RSRC1: variants seen among roughly 807,000 people sequenced by gnomAD.
RSRC1 encodes arginine and serine rich coiled-coil 1, also known as serine/Arginine-related protein 53.
Under a neutral mutation model 49.1 loss-of-function variants are expected in RSRC1, and 39 were observed. The ratio of observed to expected loss-of-function variants is 0.79; its 90% CI spans 0.61 to 1.04. The LOEUF (loss-of-function observed/expected upper bound fraction) is 1.04, where lower values mean the gene tolerates loss of function less well. Ranked by LOEUF, RSRC1 falls within the 50% of genes least tolerant of loss-of-function variation. The pLI, the probability that RSRC1 is intolerant of heterozygous loss-of-function variation, is 0.00. For missense variants in RSRC1, 388 were observed against 402.4 expected (o/e 0.96, Z 0.31); for synonymous variants, 143 against 130.8 (o/e 1.09, Z -0.63).
intron 3 of RSRC1, among the ~76,000 whole-genome samples, chr3:158,124,759 C>G (rs548767852): frequency 2.7e-5 from 4 of 150,548 alleles, no homozygotes; most frequent in Non-Finnish European, 5.9e-5. Flanking sequence ...ACTGTAATGT[C>G]TGCTGTTTCA....
intron 6 of RSRC1, among the ~76,000 whole-genome samples, chr3:158,439,877 G>A (rs376574712): frequency 2.0e-5 from 3 of 151,942 alleles, no homozygotes; most frequent in Non-Finnish European, 2.9e-5. Flanking sequence ...GTGCATGTAC[G>A]ACAAGAGCAA....
intron 4 of RSRC1, among the ~76,000 whole-genome samples, chr3:158,256,551 C>T (rs867399896): frequency 6.2e-4 from 94 of 152,198 alleles, no homozygotes; most frequent in Middle Eastern, 3.4e-3. Context: ...TGTGTCTCTG[C>T]TAGGTTTTGG....
intron 3 of RSRC1, among the ~76,000 whole-genome samples, chr3:158,183,347 C>T (rs1719739059): frequency 6.6e-6 from 1 of 151,182 alleles, no homozygotes; most frequent in South Asian, 2.1e-4. Flanking sequence ...TTAAAATAAC[C>T]TCTTTTTCCT....
chr3:158,133,260 A>G (rs1426847252), intron 3 of RSRC1, among the ~76,000 whole-genome samples: 3 of 152,116 alleles, frequency 2.0e-5, no homozygotes, highest in East Asian at 1.9e-4. Flanking sequence ...TTGATTTTCT[A>G]TTTTTATTTT....
intron 3 of RSRC1, among the ~76,000 whole-genome samples, chr3:158,164,877 A>T (rs180912068): frequency 1.6e-4 from 24 of 152,298 alleles, no homozygotes; most frequent in African/African-American, 5.8e-4. Context: ...CAATATTTAT[A>T]AAAAAAGATA....
chr3:158,286,039 A>C (rs1266095023), intron 4 of RSRC1, among the ~76,000 whole-genome samples: 1 of 152,088 alleles, frequency 6.6e-6, no homozygotes. Context: ...TAACTGTTTA[A>C]ATGTGTTAGC....
At chr3:158,326,757 G>C (rs960366392) in intron 5 of RSRC1, among the ~76,000 whole-genome samples, 6 of 152,180 alleles carry the variant, frequency 3.9e-5, no homozygotes, top group African/African-American at 7.2e-5. Context: ...ATGAGTTAGG[G>C]AGGATTCCCT....
intron 4 of RSRC1, chr3:158,275,939 C>A: frequency 1.4e-6 from 1 of 732,646 alleles, no homozygotes; most frequent in Non-Finnish European, 2.4e-6. Context: ...TGTGAGCCCA[C>A]ACATTTCCCT....
chr3:158,201,596 A>C (rs1429412271), intron 3 of RSRC1, among the ~76,000 whole-genome samples: 2 of 152,082 alleles, frequency 1.3e-5, no homozygotes, highest in Non-Finnish European at 2.9e-5. Context: ...ATTTATTTGC[A>C]TGTATACAGA....
chr3:158,197,254 A>G (rs1720688962), intron 3 of RSRC1, among the ~76,000 whole-genome samples: 1 of 152,116 alleles, frequency 6.6e-6, no homozygotes, highest in Non-Finnish European at 1.5e-5. Context: ...CGAGGAATTT[A>G]TCCATTTCTT....
chr3:158,262,040 T>A (rs917483391), intron 4 of RSRC1, among the ~76,000 whole-genome samples: 1 of 152,198 alleles, frequency 6.6e-6, no homozygotes, highest in Non-Finnish European at 1.5e-5. Flanking sequence ...AACCTGGTTC[T>A]TGGTGCCAAA....
intron 5 of RSRC1, among the ~76,000 whole-genome samples, chr3:158,334,743 T>C (rs76757621): frequency 0.22 from 33,392 of 151,244 alleles, 4,306 homozygotes; most frequent in Non-Finnish European, 0.29. Flanking sequence ...ATGGTCTCGA[T>C]CTCCTGACCT....
intron 6 of RSRC1, among the ~76,000 whole-genome samples, chr3:158,358,080 A>G (rs906886058): frequency 1.3e-5 from 2 of 152,198 alleles, no homozygotes; most frequent in Non-Finnish European, 2.9e-5. Flanking sequence ...TAGTGGTATG[A>G]TTCTGAAAGG....
At chr3:158,525,184 A>G (rs1367415121) in intron 7 of RSRC1, among the ~76,000 whole-genome samples, 2 of 152,000 alleles carry the variant, frequency 1.3e-5, no homozygotes, top group Non-Finnish European at 2.9e-5. Context: ...AAAGGACTTC[A>G]ATTCCGTATA....
chr3:158,212,429 C>T (rs1179517744), intron 4 of RSRC1, among the ~76,000 whole-genome samples: 2 of 151,642 alleles, frequency 1.3e-5, no homozygotes, highest in African/African-American at 2.4e-5. Context: ...ATCAATCATG[C>T]TACAGTTAGT....
chr3:158,299,762 T>C (rs1727430907), intron 5 of RSRC1, among the ~76,000 whole-genome samples: 1 of 152,218 alleles, frequency 6.6e-6, no homozygotes, highest in Admixed American at 6.5e-5. Flanking sequence ...TGTTTTATAC[T>C]TACTAGTAGC....
intron 3 of RSRC1, among the ~76,000 whole-genome samples, chr3:158,128,803 C>T (rs1344672286): frequency 1.3e-5 from 2 of 152,168 alleles, no homozygotes; most frequent in Non-Finnish European, 1.5e-5. Flanking sequence ...TGAGTCTGTG[C>T]TTGTCTTTCA....
At chr3:158,432,909 T>A (rs1193727507) in intron 6 of RSRC1, among the ~76,000 whole-genome samples, 1 of 151,874 alleles carries the variant, frequency 6.6e-6, no homozygotes, top group South Asian at 2.1e-4. Context: ...TATACTATAG[T>A]TACTTACAAA....
intron 5 of RSRC1, among the ~76,000 whole-genome samples, chr3:158,331,178 G>A (rs1729524216): frequency 6.6e-6 from 1 of 152,198 alleles, no homozygotes; most frequent in African/African-American, 2.4e-5. Context: ...CTCAGAGGGT[G>A]AGGGGAACAC....
Sources: allele counts gnomAD v4.1 joint callset (sites outside exome capture counted in the v4.1 genomes callset), GRCh38; gene constraint gnomAD v4.1.1; transcripts MANE v1.5; gene names NCBI Gene and HGNC (gene_info 2026-07-23, HGNC 2026-07-21).